Variants in HEXIM2 observed in about 807,000 individuals in gnomAD.
HEXIM2 encodes protein HEXIM2.
For synonymous variants in HEXIM2, 159 were observed against 162.7 expected (o/e 0.98, Z 0.17); for missense variants, 413 against 390.8 (o/e 1.06, Z -0.48).
rs1347452034 is a variant in HEXIM2, at chr17:45,169,732, G to A, written c.784G>A (p.Glu262Lys). ...LAAEVQRLRT[E>K]NQRLRQENQM... is the part of the protein sequence containing the mutation. ...TGCCGAGGTCCAGAGGCTCCGGACC[G>A]AAAACCAGCGGCTTCGTCAGGAGAA... Residue 262 changes from glutamate (E) to lysine (K), a missense_variant, in exon 4 of 4, where the codon GAA becomes AAA. Coordinates refer to ENST00000589230, the MANE Select transcript of HEXIM2 (RefSeq NM_001303441.2). 2 of 1,495,140 alleles carry A rather than the reference G, an allele frequency of 1.3e-6. No homozygotes were observed. Among genetic ancestry groups the A allele is most frequent in the South Asian group, 1.3e-5 (1 of 77,846 alleles). 92.6% of individuals were successfully genotyped at this position (1,495,140 alleles called of 1,614,324 possible).
At position 45,169,618 on chromosome 17, in the gene HEXIM2, C is replaced by G. The variant is rs972068700; in HGVS notation, c.670C>G (p.Leu224Val). 2 of 1,536,560 alleles carry G rather than the reference C, an allele frequency of 1.3e-6. No individual in the cohort carries two copies. The highest frequency in any genetic ancestry group is 1.8e-6 in the Non-Finnish European group (2 of 1,139,514). Residue 224 changes from leucine to valine, a missense_variant, in exon 4 of 4, where the codon CTG becomes GTG. Physicochemically the swap from Leu to Val is conservative, Grantham distance 32 (BLOSUM62 1). Transcript: ENST00000589230. ...AGACTACCTGGAGCTGGAGAAGCGG[C>G]TGTCGCAGGCGGAGGAGGAGACTAG... ...VRDYLELEKR[L>V]SQAEEETRRL...
Position 45,162,554 on chromosome 17 carries a change from A to C in HEXIM2, c.-126A>C. 7.3e-7 allele frequency: 1 copy of C among 1,370,066 alleles called. No homozygotes were observed. The highest frequency in any genetic ancestry group is 9.4e-7 in the Non-Finnish European group (1 of 1,059,290). 84.9% of individuals were successfully genotyped at this position (1,370,066 alleles called of 1,614,324 possible). A position where few individuals can be genotyped will look rare whatever the true frequency, so the allele number is the denominator to read the frequency against. ...AGCAGGACAGAGAAGACGGCCCCTG[A>C]ATCCCATTTGGCCCCTTGCTGGCTG... On this transcript the variant is annotated 5_prime_UTR_variant, in exon 2 of 4. An upstream open reading frame in the 5' UTR loses its in-frame stop. Transcript: ENST00000589230.
At chr17:45,162,996 T>A (rs907077968) in intron 3 of HEXIM2, 137 bp downstream of exon 3, 1 of 636,808 alleles carries the variant, frequency 1.6e-6, no homozygotes, top group Non-Finnish European at 2.8e-6. Flanking sequence ...CACTAGGCAA[T>A]AGGCCGGAAT....
At chr17:45,167,316 ACT>A (rs1330535520) in intron 3 of HEXIM2, among the ~76,000 whole-genome samples, 7 of 151,944 alleles carry the variant, frequency 4.6e-5, no homozygotes, top group Admixed American at 6.6e-5. Context: ...ACAGAGCAAG[ACT>A]CTCACACACA....
intron 3 of HEXIM2, among the ~76,000 whole-genome samples, chr17:45,167,065 C>T (rs562500793): frequency 1.4e-5 from 2 of 144,470 alleles, no homozygotes; most frequent in East Asian, 2.0e-4. Context: ...GTGGCTCATG[C>T]CTATAATCCC....
In HEXIM2 at chr17:45,163,608, A is replaced by G. The variant is rs934862426; in HGVS notation, c.66+749A>G. Among the ~76,000 whole-genome samples, 12 of 152,334 alleles carry G rather than the reference A, an allele frequency of 7.9e-5. No individual in the cohort carries two copies. The East Asian group carries it at 1.9e-3, about 25-fold the overall frequency. On this transcript the variant is annotated intron_variant, in intron 3 of 3. Transcript: ENST00000589230. ...AAGAGTTTTTGGTTCATAATTTGGA[A>G]TGGACCCAGGCAGGCAATTCACTTG...
chr17:45,168,496 T>G (rs533708944), intron 3 of HEXIM2, among the ~76,000 whole-genome samples: 6 of 148,364 alleles, frequency 4.0e-5, no homozygotes, highest in African/African-American at 1.5e-4. Flanking sequence ...AAAATAAGGT[T>G]TTTTTTTTTT....
At chr17:45,163,010 A>G in intron 3 of HEXIM2, 151 bp downstream of exon 3, 1 of 619,940 alleles carries the variant, frequency 1.6e-6, no homozygotes, top group Non-Finnish European at 2.9e-6. Context: ...CCGGAATCCC[A>G]GTCTATGCTA....
upstream of HEXIM2, chr17:45,160,704 T>C (rs1013394034): frequency 7.9e-6 from 3 of 381,422 alleles, no homozygotes; most frequent in Admixed American, 3.0e-5. Flanking sequence ...GGCAGCACAC[T>C]TTAGGCGTTT....
At chr17:45,163,359 C>T (rs938583182) in intron 3 of HEXIM2, among the ~76,000 whole-genome samples, 5 of 145,296 alleles carry the variant, frequency 3.4e-5, no homozygotes, top group Admixed American at 2.7e-4. Context: ...ATCCTAGTAA[C>T]CCTTTCAGGT....
At chr17:45,162,097 A>G (rs1361899294) in intron 1 of HEXIM2, 66 bp downstream of exon 1, 3 of 833,114 alleles carry the variant, frequency 3.6e-6, no homozygotes, top group African/African-American at 1.8e-5. Context: ...ATCCATCCTT[A>G]TCCTAGTTGG....
upstream of HEXIM2, chr17:45,160,829 T>A (rs1231275162): frequency 6.7e-6 from 7 of 1,050,606 alleles, no homozygotes; most frequent in African/African-American, 1.6e-5. Flanking sequence ...CGTGAAGGTT[T>A]CCAAGTGCCC....
chr17:45,162,802 C>T lies in HEXIM2; in HGVS notation c.9C>T (p.Ala3=), dbSNP rs1380386801. The part of the protein sequence containing the change: MM[A]TPNQTACNAE... The stretch of plus-strand genomic sequence containing the variant: ...AAGATTTGGAACAGAAGATGATGGC[C>T]ACTCCGAACCAGACCGCCTGTAATG... The change falls in exon 3 of 4, where the codon GCC becomes GCT. Residue 3 remains alanine (A), a synonymous_variant. Transcript: ENST00000589230. The T allele has an allele frequency of 6.2e-7, 1 of 1,613,886 alleles. No individual in the cohort carries two copies. Among genetic ancestry groups the T allele is most frequent in the Admixed American group, 1.7e-5 (1 of 60,006 alleles).
At chr17:45,163,673 AC>A (rs1167169543) in intron 3 of HEXIM2, among the ~76,000 whole-genome samples, 50 of 150,752 alleles carry the variant, frequency 3.3e-4, no homozygotes, top group East Asian at 7.9e-4. Flanking sequence ...ACATGGTGAA[AC>A]CTCATCTCTA....
Position 45,161,939 on chromosome 17 carries a change from G to A in HEXIM2, c.-285G>A, listed in dbSNP as rs2042708074. 2.0e-6 allele frequency: 2 copies of A among 985,512 alleles called. No individual in the cohort carries two copies. Among genetic ancestry groups the A allele is most frequent in the Non-Finnish European group, 1.2e-6 (1 of 830,082 alleles). The allele number at this position is 985,512 out of a possible 1,614,324, so 61.0% of individuals were successfully genotyped here. A position where few individuals can be genotyped will look rare whatever the true frequency, so the allele number is the denominator to read the frequency against. ...CAGAGCTGCTGCAACTGCAGCAAGAGGTAGGGCTCAGGCGTTGGGAATTGC... is the reference window on the plus strand; with the variant it reads ...CAGAGCTGCTGCAACTGCAGCAAGAAGTAGGGCTCAGGCGTTGGGAATTGC... On this transcript the variant is annotated 5_prime_UTR_variant, in exon 1 of 4. Transcript: ENST00000589230.
chr17:45,169,165 C>T lies in HEXIM2; in HGVS notation c.217C>T (p.Arg73Trp), dbSNP rs775525339. 9 of 1,613,634 alleles carry T rather than the reference C, an allele frequency of 5.6e-6. No homozygotes were observed. In the East Asian group the frequency reaches 6.7e-5, roughly 12 times the overall value. ...CCTGGGCTGGAACAGTAGGAGTCCC[C>T]GGACCCAGAGCCCAGGGGGCTGCTC... ...GGLGWNSRSP[R>W]TQSPGGCSAE... Residue 73 changes from arginine to tryptophan, a missense_variant, in exon 4 of 4, where the codon CGG (arginine) becomes TGG (tryptophan). Transcript: ENST00000589230.
At chr17:45,162,108 G>A (rs556356435) in intron 1 of HEXIM2, 77 bp downstream of exon 1, 1 of 727,766 alleles carries the variant, frequency 1.4e-6, no homozygotes, top group East Asian at 1.3e-4. Context: ...TCCTAGTTGG[G>A]TTTCCCTCCC....
chr17:45,169,646 G>A lies in HEXIM2; in HGVS notation c.698G>A (p.Arg233Lys), dbSNP rs1180080707. The A allele has an allele frequency of 1.3e-6, 2 of 1,533,702 alleles. No homozygotes were observed. Among genetic ancestry groups the A allele is most frequent in the South Asian group, 2.4e-5 (2 of 82,860 alleles). The change falls in exon 4 of 4, where the codon AGG becomes AAG. Residue 233 changes from arginine (R) to lysine (K), a missense_variant. Coordinates refer to ENST00000589230, the MANE Select transcript of HEXIM2 (RefSeq NM_001303441.2). Reference protein sequence around the residue: ...RLSQAEEETRRLQQLQACTGQ... With the variant: ...RLSQAEEETRKLQQLQACTGQ... The stretch of plus-strand genomic sequence containing the variant: ...TCGCAGGCGGAGGAGGAGACTAGGA[G>A]GCTGCAGCAGCTGCAGGCGTGCACC...
intron 3 of HEXIM2, 169 bp from the exon 4 acceptor site, chr17:45,168,846 C>G (rs1360520026): frequency 1.3e-5 from 9 of 698,558 alleles, no homozygotes; most frequent in Non-Finnish European, 2.2e-5. Flanking sequence ...GGGGGACAGA[C>G]AGTAGACAGG....
Sources: allele counts gnomAD v4.1 joint callset (sites outside exome capture counted in the v4.1 genomes callset), GRCh38; gene constraint gnomAD v4.1.1; transcripts MANE v1.5; gene names NCBI Gene and HGNC (gene_info 2026-07-23, HGNC 2026-07-21).